NRXN3: variants seen among roughly 807,000 people sequenced by gnomAD.
NRXN3 encodes neurexin 3.
Under a neutral mutation model 137.6 loss-of-function variants are expected in NRXN3, and 32 were observed. That is an observed-to-expected ratio of 0.23 (90% CI 0.18 to 0.31). The LOEUF (loss-of-function observed/expected upper bound fraction) is 0.31, where lower values mean the gene tolerates loss of function less well. NRXN3 is among the 10% of genes least tolerant of loss of function. The probability of loss-of-function intolerance (pLI) is 1.00; values close to 1 mark genes in which losing one functional copy is unlikely to be tolerated. For synonymous variants in NRXN3, 798 were observed against 784.5 expected (o/e 1.02, Z -0.29); for missense variants, 1,574 against 2,062.5 (o/e 0.76, Z 4.59).
chr14:79,316,519 A>G (rs1468451644), intron 15 of NRXN3, among the ~76,000 whole-genome samples: 1 of 152,220 alleles, frequency 6.6e-6, no homozygotes, highest in Admixed American at 6.5e-5. Context: ...AAGGGACCGG[A>G]TGATCGGTGG....
intron 16 of NRXN3, among the ~76,000 whole-genome samples, chr14:79,610,955 G>A (rs1287609156): frequency 6.6e-6 from 1 of 152,162 alleles, no homozygotes; most frequent in African/African-American, 2.4e-5. Flanking sequence ...TTGCCAGGGG[G>A]ATGTGATGTA....
At chr14:78,466,989 A>G (rs7153946) in intron 4 of NRXN3, among the ~76,000 whole-genome samples, 6,036 of 152,224 alleles carry the variant, frequency 0.04, 374 homozygotes, top group East Asian at 0.34. Flanking sequence ...CTGCACTTAA[A>G]AGTTAAAAAA....
At chr14:79,003,805 C>T (rs907217703) in intron 15 of NRXN3, among the ~76,000 whole-genome samples, 4 of 152,094 alleles carry the variant, frequency 2.6e-5, no homozygotes, top group Admixed American at 2.6e-4. Context: ...CTATGATGGG[C>T]TCAGCTGCCG....
At chr14:78,643,474 G>A (rs186008281) in intron 4 of NRXN3, among the ~76,000 whole-genome samples, 1 of 152,320 alleles carries the variant, frequency 6.6e-6, no homozygotes, top group Non-Finnish European at 1.5e-5. Flanking sequence ...AAGACAAATG[G>A]AAGGTCATAA....
chr14:78,230,010 T>G (rs1353703502), intron 1 of NRXN3, among the ~76,000 whole-genome samples: 1 of 152,020 alleles, frequency 6.6e-6, no homozygotes, highest in East Asian at 1.9e-4. Context: ...CCAATGTAGA[T>G]CCCTTTATTT....
intron 1 of NRXN3, among the ~76,000 whole-genome samples, chr14:78,207,044 A>G (rs1595906042): frequency 6.6e-6 from 1 of 151,854 alleles, no homozygotes; most frequent in Non-Finnish European, 1.5e-5. Flanking sequence ...TTGTGTTTTT[A>G]GTAGAGAAGG....
chr14:78,237,781 G>A (rs1457070342), intron 1 of NRXN3, among the ~76,000 whole-genome samples: 1 of 152,162 alleles, frequency 6.6e-6, no homozygotes, highest in Non-Finnish European at 1.5e-5. Flanking sequence ...CCTGCAAAGT[G>A]GGGTGAGGGG....
At chr14:78,927,528 A>T (rs947476958) in intron 10 of NRXN3, among the ~76,000 whole-genome samples, 5 of 152,154 alleles carry the variant, frequency 3.3e-5, no homozygotes, top group African/African-American at 1.2e-4. Flanking sequence ...GCTTCAGCAG[A>T]TATATTACAT....
intron 10 of NRXN3, among the ~76,000 whole-genome samples, chr14:78,811,985 G>A (rs1163975316): frequency 1.3e-5 from 2 of 151,930 alleles, no homozygotes; most frequent in Non-Finnish European, 2.9e-5. Context: ...GGAGTTTTCT[G>A]TTCCTGTTTT....
chr14:78,856,378 A>G (rs1051431839), intron 10 of NRXN3, among the ~76,000 whole-genome samples: 1 of 152,232 alleles, frequency 6.6e-6, no homozygotes, highest in Non-Finnish European at 1.5e-5. Context: ...TAGAGGGTAT[A>G]TTCAAAATAT....
chr14:78,669,449 G>A (rs1006389619), intron 6 of NRXN3, among the ~76,000 whole-genome samples: 6 of 152,114 alleles, frequency 3.9e-5, no homozygotes, highest in Admixed American at 1.3e-4. Context: ...CAGCCCTGAC[G>A]GCTGCTGGTT....
intron 17 of NRXN3, among the ~76,000 whole-genome samples, chr14:79,682,548 C>T (rs2154014645): frequency 6.6e-6 from 1 of 152,210 alleles, no homozygotes; most frequent in African/African-American, 2.4e-5. Context: ...CTTAAAAATT[C>T]TATGCAGCCA....
chr14:78,543,289 C>A (rs2096608762), intron 4 of NRXN3, among the ~76,000 whole-genome samples: 1 of 152,096 alleles, frequency 6.6e-6, no homozygotes, highest in South Asian at 2.1e-4. Context: ...CATAAACCTC[C>A]TGATATTTTA....
At chr14:79,336,943 C>T (rs541110850) in intron 15 of NRXN3, among the ~76,000 whole-genome samples, 2 of 152,156 alleles carry the variant, frequency 1.3e-5, no homozygotes, top group Non-Finnish European at 2.9e-5. Flanking sequence ...TCTCTCATCT[C>T]TATAGTTATG....
intron 15 of NRXN3, among the ~76,000 whole-genome samples, chr14:79,191,957 C>T (rs898938155): frequency 6.6e-6 from 1 of 151,882 alleles, no homozygotes; most frequent in Non-Finnish European, 1.5e-5. Flanking sequence ...AACCCAGAAA[C>T]GACAGTGCTT....
At chr14:79,430,823 T>C (rs762362095) in intron 15 of NRXN3, among the ~76,000 whole-genome samples, 12 of 152,208 alleles carry the variant, frequency 7.9e-5, no homozygotes, top group Non-Finnish European at 1.5e-4. Flanking sequence ...CTTACCCCTC[T>C]TCTGCTGTTC....
intron 16 of NRXN3, among the ~76,000 whole-genome samples, chr14:79,472,073 A>G (rs899933099): frequency 6.6e-6 from 1 of 152,018 alleles, no homozygotes; most frequent in African/African-American, 2.4e-5. Context: ...GCTTCCACTT[A>G]TAAGGGAGAA....
intron 16 of NRXN3, among the ~76,000 whole-genome samples, chr14:79,507,481 C>T (rs2096889478): frequency 6.6e-6 from 1 of 152,250 alleles, no homozygotes; most frequent in African/African-American, 2.4e-5. Flanking sequence ...AGTCTAGCAA[C>T]TGGGGTAAAA....
intron 15 of NRXN3, among the ~76,000 whole-genome samples, chr14:79,418,707 A>G (rs1433121658): frequency 6.6e-6 from 1 of 152,200 alleles, no homozygotes; most frequent in African/African-American, 2.4e-5. Context: ...TAGCCGTCAC[A>G]AAAGGACCCT....
Sources: gnomAD v4.1 joint callset for allele counts (sites outside exome capture counted in the v4.1 genomes callset) on GRCh38, gnomAD v4.1.1 for gene constraint, MANE v1.5 for transcripts, NCBI Gene and HGNC (gene_info 2026-07-23, HGNC 2026-07-21) for gene names.